DLGAP1: variants seen among roughly 807,000 people sequenced by gnomAD.
DLGAP1 encodes disks large-associated protein 1.
A neutral mutation model predicts 90.8 loss-of-function variants in DLGAP1; 11 were observed. That is an observed-to-expected ratio of 0.12 (90% CI 0.08 to 0.20). The LOEUF is 0.20. Ranked by LOEUF, DLGAP1 falls within the 10% of genes least tolerant of loss-of-function variation. The probability of loss-of-function intolerance (pLI) is 1.00; values close to 1 mark genes in which losing one functional copy is unlikely to be tolerated. For synonymous variants in DLGAP1, 558 were observed against 540.7 expected, an observed-to-expected ratio of 1.03 and a Z score of -0.44; for missense variants, 1,050 against 1,333.8, an observed-to-expected ratio of 0.79 and a Z score of 3.31.
At position 4,133,396 on chromosome 18, in the gene DLGAP1, T is replaced by A. The variant is rs1182119855; in HGVS notation, c.-159+17784A>T. Among the ~76,000 whole-genome samples the A allele has an allele frequency of 2.6e-5, 4 of 152,346 alleles. No homozygotes were observed. The East Asian group carries it at 7.7e-4, about 29-fold the overall frequency. ...TATTTAGTAAAATAAAATCTGATCA[T>A]GTGCCTGTTTCTCCAGTCCCTGCTT... On this transcript the variant is annotated intron_variant, in intron 2 of 12. Transcript: ENST00000315677.
At chr18:4,008,005 T>C (rs117802942) in intron 2 of DLGAP1, among the ~76,000 whole-genome samples, 2,263 of 152,260 alleles carry the variant, frequency 0.015, 24 homozygotes, top group Middle Eastern at 0.11. Flanking sequence ...TGCTTAATTA[T>C]CACATAAACT....
intron 3 of DLGAP1, among the ~76,000 whole-genome samples, chr18:3,884,133 A>G (rs1047583118): frequency 6.6e-6 from 1 of 152,234 alleles, no homozygotes; most frequent in East Asian, 1.9e-4. Flanking sequence ...TTATGGTCCT[A>G]AAAGTAGGCT....
intron 3 of DLGAP1, chr18:3,986,726 G>A (rs1033082805): frequency 6.6e-6 from 1 of 152,162 alleles, no homozygotes; most frequent in African/African-American, 2.4e-5. Context: ...ATTCTCAGCA[G>A]GATTCCAATC....
intron 5 of DLGAP1, among the ~76,000 whole-genome samples, chr18:3,799,860 C>G (rs962214484): frequency 6.6e-6 from 1 of 152,104 alleles, no homozygotes; most frequent in Non-Finnish European, 1.5e-5. Flanking sequence ...TTAAGACAGC[C>G]AAGGAAAGAG....
At chr18:3,568,152 G>A (rs532501673) in intron 8 of DLGAP1, among the ~76,000 whole-genome samples, 1 of 152,198 alleles carries the variant, frequency 6.6e-6, no homozygotes, top group East Asian at 1.9e-4. Flanking sequence ...GCCCGCCTGG[G>A]CCTCCCAAAG....
intron 1 of DLGAP1, among the ~76,000 whole-genome samples, chr18:4,444,931 G>A (rs929013545): frequency 1.3e-4 from 20 of 152,236 alleles, no homozygotes; most frequent in East Asian, 3.9e-4. Context: ...GTCCAAAGTC[G>A]TCTAGCTAGT....
intron 1 of DLGAP1, among the ~76,000 whole-genome samples, chr18:4,411,011 G>A (rs888305517): frequency 6.6e-6 from 1 of 152,162 alleles, no homozygotes; most frequent in African/African-American, 2.4e-5. Context: ...CCTCAATATG[G>A]GACATCTCTG....
intron 1 of DLGAP1, among the ~76,000 whole-genome samples, chr18:4,433,239 T>C (rs1238496964): frequency 3.3e-5 from 5 of 152,224 alleles, no homozygotes; most frequent in African/African-American, 1.2e-4. Context: ...TTAATTTCTG[T>C]GAGTCTCAAT....
chr18:3,833,081 C>T (rs1172905975), intron 4 of DLGAP1, among the ~76,000 whole-genome samples: 1 of 152,104 alleles, frequency 6.6e-6, no homozygotes, highest in East Asian at 1.9e-4. Context: ...TGCCCTATTA[C>T]ATTGGTGGTG....
At chr18:4,433,396 A>G (rs560016314) in intron 1 of DLGAP1, among the ~76,000 whole-genome samples, 22 of 152,350 alleles carry the variant, frequency 1.4e-4, no homozygotes, top group Admixed American at 7.8e-4. Flanking sequence ...GTGTTCAATT[A>G]TCTCGTAGAA....
chr18:4,300,902 G>C (rs187502893), intron 1 of DLGAP1, among the ~76,000 whole-genome samples: 1 of 152,150 alleles, frequency 6.6e-6, no homozygotes, highest in Non-Finnish European at 1.5e-5. Context: ...TTAGATCAAA[G>C]GTTATCTCTC....
chr18:3,935,653 A>T (rs923338528), intron 3 of DLGAP1, among the ~76,000 whole-genome samples: 9 of 152,200 alleles, frequency 5.9e-5, no homozygotes, highest in Non-Finnish European at 1.2e-4. Flanking sequence ...AAAGATAATG[A>T]CAGTAATACA....
chr18:3,848,423 T>C (rs1317721221), intron 4 of DLGAP1, among the ~76,000 whole-genome samples: 1 of 152,180 alleles, frequency 6.6e-6, no homozygotes, highest in Non-Finnish European at 1.5e-5. Context: ...AAGAGAAATT[T>C]GAACTCCAGC....
At chr18:3,615,832 A>G (rs1489432811) in intron 7 of DLGAP1, among the ~76,000 whole-genome samples, 2 of 152,096 alleles carry the variant, frequency 1.3e-5, no homozygotes, top group Non-Finnish European at 2.9e-5. Context: ...AAGAGAATGC[A>G]TTTTAGGTGG....
At chr18:3,772,205 TCC>T (rs2064613198) in intron 5 of DLGAP1, among the ~76,000 whole-genome samples, 2 of 9,774 alleles carry the variant, frequency 2.0e-4, no homozygotes, top group African/African-American at 5.2e-4. Flanking sequence ...TCTTCTTCTC[TCC>T]TTTTCTTTCT....
chr18:4,363,651 A>G (rs2081683246), intron 1 of DLGAP1, among the ~76,000 whole-genome samples: 4 of 152,248 alleles, frequency 2.6e-5, no homozygotes, highest in Admixed American at 2.0e-4. Flanking sequence ...AAACACATGA[A>G]AAAATGCTCA....
chr18:4,303,794 G>A (rs1006797470), intron 1 of DLGAP1, among the ~76,000 whole-genome samples: 5 of 152,146 alleles, frequency 3.3e-5, no homozygotes, highest in Non-Finnish European at 4.4e-5. Context: ...TATTTTAGTT[G>A]AGTGTATCTG....
chr18:4,254,706 A>T (rs1683501083), intron 1 of DLGAP1, among the ~76,000 whole-genome samples: 1 of 152,184 alleles, frequency 6.6e-6, no homozygotes, highest in South Asian at 2.1e-4. Flanking sequence ...TTGGAAAGAG[A>T]CTAAAGTGAA....
chr18:4,268,464 G>C (rs1002203499), intron 1 of DLGAP1, among the ~76,000 whole-genome samples: 1 of 152,136 alleles, frequency 6.6e-6, no homozygotes, highest in African/African-American at 2.4e-5. Context: ...ATAGGTATTA[G>C]GATAATATTT....
Sources: gnomAD v4.1 joint callset for allele counts (sites outside exome capture counted in the v4.1 genomes callset) on GRCh38, gnomAD v4.1.1 for gene constraint, MANE v1.5 for transcripts, NCBI Gene and HGNC (gene_info 2026-07-23, HGNC 2026-07-21) for gene names.